STYXL1: variants seen among roughly 807,000 people sequenced by gnomAD.
STYXL1 encodes the protein serine/threonine/tyrosine interacting like 1, also known as serine/threonine/tyrosine-interacting-like protein 1.
STYXL1 carries 32 observed loss-of-function variants against 36.4 expected under a neutral mutation model. The ratio of observed to expected loss-of-function variants is 0.88; its 90% CI spans 0.66 to 1.18. The LOEUF (loss-of-function observed/expected upper bound fraction) is 1.18, where lower values mean the gene tolerates loss of function less well. STYXL1 is among the 50% of genes most tolerant of loss of function. The pLI, the probability that STYXL1 is intolerant of heterozygous loss-of-function variation, is 0.00. For synonymous variants in STYXL1, 133 were observed against 144.1 expected (o/e 0.92, Z 0.55); for missense variants, 354 against 394.1 (o/e 0.90, Z 0.86).
chr7:76,046,753 C>A (rs1015875584), intron 1 of STYXL1, among the ~76,000 whole-genome samples: 2 of 146,202 alleles, frequency 1.4e-5, no homozygotes, highest in South Asian at 4.5e-4. Flanking sequence ...CGGGTTCAAG[C>A]GATTCTCCTG....
intron 6 of STYXL1, 71 bp downstream of exon 6, chr7:76,005,184 AAAAT>A (rs1248680372): frequency 4.1e-5 from 39 of 942,424 alleles, no homozygotes; most frequent in South Asian, 2.0e-4. Flanking sequence ...AAAATTAAAA[AAAAT>A]AAATAAAATA....
chr7:76,022,863 G>A (rs1794243905), intron 3 of STYXL1, among the ~76,000 whole-genome samples: 1 of 152,264 alleles, frequency 6.6e-6, no homozygotes, highest in East Asian at 1.9e-4. Context: ...GGAGTTCAAA[G>A]CTGCAGTGAG....
chr7:75,996,980 C>T (rs1474565705), intron 8 of STYXL1, among the ~76,000 whole-genome samples: 1 of 152,228 alleles, frequency 6.6e-6, no homozygotes, highest in African/African-American at 2.4e-5. Flanking sequence ...GAACTGTGGG[C>T]AAATTCTCTG....
intron 7 of STYXL1, among the ~76,000 whole-genome samples, chr7:76,001,618 C>A (rs183248760): frequency 6.6e-6 from 1 of 151,840 alleles, no homozygotes; most frequent in Non-Finnish European, 1.5e-5. Context: ...CTTAACCTCC[C>A]GAGTACCTGG....
In STYXL1 at chr7:76,043,755, T is replaced by C. The variant is rs144051075; in HGVS notation, c.-5+3907A>G. Among the ~76,000 whole-genome samples, 8 of 152,318 alleles carry C rather than the reference T, an allele frequency of 5.3e-5. No individual in the cohort carries two copies. The East Asian group carries it at 1.5e-3, about 29-fold the overall frequency. On this transcript the variant is annotated intron_variant, in intron 1 of 8. Transcript: ENST00000359697. Reference sequence around the variant, plus strand: ...GATGCCTCAGAAGCCATAGTTGGCCTGGGCTGGGGTGGGATGGAAGAGGAA... The same window carrying C: ...GATGCCTCAGAAGCCATAGTTGGCCCGGGCTGGGGTGGGATGGAAGAGGAA...
intron 5 of STYXL1, among the ~76,000 whole-genome samples, chr7:76,011,747 C>T (rs1354319039): frequency 1.3e-5 from 2 of 152,212 alleles, no homozygotes; most frequent in African/African-American, 4.8e-5. Context: ...ACAACTCCAC[C>T]CAGTTCTCTT....
chr7:76,008,993 A>G (rs901527964), intron 5 of STYXL1, among the ~76,000 whole-genome samples: 28 of 151,850 alleles, frequency 1.8e-4, no homozygotes, highest in African/African-American at 6.8e-4. Context: ...CAGAGATGCT[A>G]TCTCAAAAAA....
At position 76,021,995 on chromosome 7, in the gene STYXL1, TAAA is replaced by T; in HGVS notation, c.166-6_166-4del. 2 of 1,277,014 alleles carry T rather than the reference TAAA, an allele frequency of 1.6e-6. No homozygotes were observed. The allele number at this position is 1,277,014 out of a possible 1,614,324, so 79.1% of individuals were successfully genotyped here. ...GGGAGAAGATATTCATTATTTTTCT[TAAA>T]AAAAAAAACACACACACACAAGAGA... On this transcript the variant is annotated splice_polypyrimidine_tract_variant and splice_region_variant and intron_variant, in intron 3 of 8. Coordinates refer to ENST00000359697, the MANE Select transcript of STYXL1 (RefSeq NM_001317785.2).
At chr7:76,036,690 C>T (rs192622707) in intron 1 of STYXL1, among the ~76,000 whole-genome samples, 7 of 141,236 alleles carry the variant, frequency 5.0e-5, no homozygotes, top group African/African-American at 7.7e-5. Flanking sequence ...GCTACCAAGT[C>T]TCATTTTCCT....
chr7:76,010,745 G>A (rs1367963080), intron 5 of STYXL1, among the ~76,000 whole-genome samples: 1 of 152,160 alleles, frequency 6.6e-6, no homozygotes, highest in Admixed American at 6.6e-5. Context: ...GAGAGCAGCT[G>A]TCCTTAAAGC....
At chr7:76,000,218 CAAAAAAAAAAA>C (rs35153306) in intron 8 of STYXL1, among the ~76,000 whole-genome samples, 20 of 69,464 alleles carry the variant, frequency 2.9e-4, no homozygotes, top group African/African-American at 9.9e-4. Flanking sequence ...GACTCCATCT[CAAAAAAAAAAA>C]AAAAAAAAAA....
At chr7:76,043,392 C>T (rs1424099236) in intron 1 of STYXL1, among the ~76,000 whole-genome samples, 1 of 152,008 alleles carries the variant, frequency 6.6e-6, no homozygotes, top group Non-Finnish European at 1.5e-5. Flanking sequence ...CCACCCACCT[C>T]AGCCTCCCGA....
At chr7:76,037,839 T>C (rs961803900) in intron 1 of STYXL1, among the ~76,000 whole-genome samples, 1 of 149,426 alleles carries the variant, frequency 6.7e-6, no homozygotes, top group Non-Finnish European at 1.5e-5. Flanking sequence ...CAGGTAAGGG[T>C]CAGGGTCCAC....
chr7:76,038,383 G>A (rs985376812), intron 1 of STYXL1, among the ~76,000 whole-genome samples: 1 of 148,654 alleles, frequency 6.7e-6, no homozygotes, highest in Non-Finnish European at 1.5e-5. Context: ...GTGACTTCGA[G>A]GCTGTCAGGA....
chr7:76,019,024 C>A (rs544973688), intron 4 of STYXL1, among the ~76,000 whole-genome samples: 1 of 152,154 alleles, frequency 6.6e-6, no homozygotes, highest in Non-Finnish European at 1.5e-5. Flanking sequence ...TCCCAGTGGG[C>A]GTGAATAATA....
At position 76,000,614 on chromosome 7, in the gene STYXL1, A is replaced by C. The variant is rs752440865; in HGVS notation, c.810+276T>G. 59 of 551,136 alleles carry C rather than the reference A, an allele frequency of 1.1e-4. 1 individual carries two copies. Among genetic ancestry groups the C allele is most frequent in the South Asian group, 7.0e-4 (46 of 65,382 alleles). 34.1% of individuals were successfully genotyped at this position (551,136 alleles called of 1,614,324 possible). A position where few individuals can be genotyped will look rare whatever the true frequency, so the allele number is the denominator to read the frequency against. ...GTTCTCCCTTGGGCAACACCAAACA[A>C]ACACAGGTGGACGGCCTGACAGCAG... On this transcript the variant is annotated intron_variant, in intron 8 of 8. Coordinates refer to ENST00000359697, the MANE Select transcript of STYXL1 (RefSeq NM_001317785.2).
intron 5 of STYXL1, among the ~76,000 whole-genome samples, chr7:76,005,882 A>AGAGAGGAGGAGAGAG (rs1791665645): frequency 3.9e-5 from 3 of 76,664 alleles, no homozygotes; most frequent in African/African-American, 9.3e-5. Flanking sequence ...AGAGGAGGAG[A>AGAGAGGAGGAGAGAG]GAGGAGGAGG....
chr7:76,030,850 TAAAAAAAAAAA>T (rs1160725857), intron 1 of STYXL1, among the ~76,000 whole-genome samples: 1 of 57,084 alleles, frequency 1.8e-5, no homozygotes, highest in Middle Eastern at 0.018. Context: ...CCATCTCTAC[TAAAAAAAAAAA>T]AAAAAAAAAA....
At chr7:76,034,499 A>G (rs1554580293) in intron 1 of STYXL1, among the ~76,000 whole-genome samples, 4 of 151,780 alleles carry the variant, frequency 2.6e-5, no homozygotes, top group African/African-American at 9.7e-5. Context: ...AAGAAAAAGC[A>G]CTCTCCAAGC....
Sources: allele counts gnomAD v4.1 joint callset (sites outside exome capture counted in the v4.1 genomes callset), GRCh38; gene constraint gnomAD v4.1.1; transcripts MANE v1.5; gene names NCBI Gene and HGNC (gene_info 2026-07-23, HGNC 2026-07-21).